ZC2HC1B: variants seen among roughly 807,000 people sequenced by gnomAD.
ZC2HC1B encodes the protein zinc finger C2HC-type containing 1B.
Under a neutral mutation model 31.0 loss-of-function variants are expected in ZC2HC1B, and 36 were observed. The ratio of observed to expected loss-of-function variants is 1.16; its 90% CI spans 0.89 to 1.54. The LOEUF (loss-of-function observed/expected upper bound fraction) is 1.54. Among genes scored for constraint, ZC2HC1B ranks in the 40% most tolerant of loss-of-function variants. The pLI is 0.00. For synonymous variants in ZC2HC1B, 73 were observed against 88.0 expected (o/e 0.83, Z 0.95); for missense variants, 260 against 268.6 (o/e 0.97, Z 0.22).
intron 6 of ZC2HC1B, among the ~76,000 whole-genome samples, chr6:143,912,061 A>G (rs1186830237): frequency 2.0e-5 from 3 of 151,998 alleles, no homozygotes; most frequent in Non-Finnish European, 2.9e-5. Flanking sequence ...CTATTCTGCT[A>G]TTAATATTTG....
intron 1 of ZC2HC1B, among the ~76,000 whole-genome samples, chr6:143,867,805 G>A (rs1326636956): frequency 2.6e-5 from 4 of 152,144 alleles, no homozygotes; most frequent in Admixed American, 2.6e-4. Flanking sequence ...CTCAAACCTC[G>A]ACTGGTTGCT....
At chr6:143,935,064 T>C (rs1010884519) in intron 6 of ZC2HC1B, among the ~76,000 whole-genome samples, 4 of 152,020 alleles carry the variant, frequency 2.6e-5, no homozygotes, top group Non-Finnish European at 4.4e-5. Context: ...AGGGTACTAG[T>C]GGTGGCAGTA....
At chr6:143,907,886 C>G (rs1404699547) in intron 6 of ZC2HC1B, among the ~76,000 whole-genome samples, 1 of 152,150 alleles carries the variant, frequency 6.6e-6, no homozygotes, top group African/African-American at 2.4e-5. Context: ...CCTAGATTTT[C>G]TTCTATGGTT....
At chr6:143,931,163 T>C (rs148444749) in intron 6 of ZC2HC1B, among the ~76,000 whole-genome samples, 1 of 152,346 alleles carries the variant, frequency 6.6e-6, no homozygotes, top group Non-Finnish European at 1.5e-5. Flanking sequence ...GGAATATCTT[T>C]TTCCACTCCT....
chr6:143,889,109 T>A (rs1273557675), intron 4 of ZC2HC1B, among the ~76,000 whole-genome samples: 1 of 152,032 alleles, frequency 6.6e-6, no homozygotes, highest in East Asian at 1.9e-4. Flanking sequence ...TGGACATATA[T>A]TGTAAGGTTC....
chr6:143,933,157 G>A lies in ZC2HC1B; in HGVS notation c.599-4492G>A, dbSNP rs1446971269. On this transcript the variant is annotated intron_variant, in intron 6 of 7. Coordinates refer to ENST00000237275, the MANE Select transcript of ZC2HC1B (RefSeq NM_001013623.3). This position sits in a 1 kb window ranked among gnomAD's most constrained non-coding sequence, Gnocchi z 6.4. ...GCGAAGTTGTCATGTGGACAGACTC[G>A]GGACCACTGGTTAGCCAGGATGTTT... 6.6e-6 allele frequency among the ~76,000 whole-genome samples: 1 copy of A among 152,190 alleles called. No individual in the cohort carries two copies. The highest frequency in any genetic ancestry group is 2.4e-5 in the African/African-American group (1 of 41,438).
rs1452465277 is a variant in ZC2HC1B at position 143,934,223 on chromosome 6, C to T, written c.599-3426C>T. On this transcript the variant is annotated intron_variant, in intron 6 of 7. Coordinates refer to ENST00000237275, the MANE Select transcript of ZC2HC1B (RefSeq NM_001013623.3). This position sits in a 1 kb window ranked among gnomAD's most constrained non-coding sequence, Gnocchi z 4.6. ...ATTTTCACCTGTCTTGCAGAATTTG[C>T]AATAGCCTGCCACTTCTTTCAAAGG... 6.6e-6 allele frequency among the ~76,000 whole-genome samples: 1 copy of T among 152,224 alleles called. No homozygotes were observed. Among genetic ancestry groups the T allele is most frequent in the Non-Finnish European group, 1.5e-5 (1 of 68,044 alleles).
At chr6:143,901,250 CTTT>C (rs760366226) in intron 5 of ZC2HC1B, among the ~76,000 whole-genome samples, 64 of 90,452 alleles carry the variant, frequency 7.1e-4, no homozygotes, top group African/African-American at 2.3e-3. Flanking sequence ...TTCTTTCTTC[CTTT>C]TTTTTTTTTT....
intron 4 of ZC2HC1B, among the ~76,000 whole-genome samples, chr6:143,894,570 A>G (rs1381745502): frequency 2.0e-5 from 3 of 152,196 alleles, no homozygotes; most frequent in Non-Finnish European, 4.4e-5. Context: ...CTGAACTTCT[A>G]TACCAGAAAA....
chr6:143,902,905 C>T, intron 5 of ZC2HC1B, 139 bp from the exon 6 acceptor site: 1 of 713,668 alleles, frequency 1.4e-6, no homozygotes, highest in Non-Finnish European at 2.4e-6. Context: ...GTGTCTGTCC[C>T]CTTCCCCTGG....
At chr6:143,879,795 T>TG (rs1046412696) in intron 1 of ZC2HC1B, among the ~76,000 whole-genome samples, 51 of 151,322 alleles carry the variant, frequency 3.4e-4, no homozygotes, top group African/African-American at 1.1e-3. Context: ...GTTTTTGTTT[T>TG]TTTTTTTTTC....
chr6:143,925,682 A>T (rs1452689845), intron 6 of ZC2HC1B, among the ~76,000 whole-genome samples: 3 of 151,794 alleles, frequency 2.0e-5, no homozygotes, highest in Non-Finnish European at 4.4e-5. Flanking sequence ...GATTATAGGC[A>T]TGCGCCATCA....
chr6:143,913,739 T>C lies in ZC2HC1B; in HGVS notation c.598+10587T>C, dbSNP rs1203867952. Among the ~76,000 whole-genome samples, 1 of 152,170 alleles carries C rather than the reference T, an allele frequency of 6.6e-6. No homozygotes were observed. The highest frequency in any genetic ancestry group is 1.5e-5 in the Non-Finnish European group (1 of 68,010). ...GTTGCAAAGATTCATGGGAGAAGCA[T>C]GGTTTCCTGGGTCACATAGTCACTA... On this transcript the variant is annotated intron_variant, in intron 6 of 7. Transcript: ENST00000237275. This position sits in a 1 kb window ranked among gnomAD's most constrained non-coding sequence, Gnocchi z 5.7.
intron 1 of ZC2HC1B, among the ~76,000 whole-genome samples, chr6:143,877,545 A>C (rs1421672571): frequency 1.3e-5 from 2 of 149,806 alleles, no homozygotes; most frequent in Non-Finnish European, 3.0e-5. Context: ...TGCCTCCCAA[A>C]GTGCTGGGAT....
intron 1 of ZC2HC1B, among the ~76,000 whole-genome samples, chr6:143,867,715 A>G (rs1388633127): frequency 6.6e-6 from 1 of 152,174 alleles, no homozygotes; most frequent in African/African-American, 2.4e-5. Context: ...GACTTCCTTG[A>G]ATATACTATC....
At position 143,899,649 on chromosome 6, in the gene ZC2HC1B, C is replaced by CT. The variant is rs1454628147; in HGVS notation, c.489+959dup. Among the ~76,000 whole-genome samples the CT allele has an allele frequency of 1.3e-5, 2 of 152,162 alleles. No homozygotes were observed. On this transcript the variant is annotated intron_variant, in intron 5 of 7. Transcript: ENST00000237275. This position sits in a 1 kb window ranked among gnomAD's most constrained non-coding sequence, Gnocchi z 5.0. ...TCTTCAGCCTCCCAAAGTGCTAGAA[C>CT]TACAAGTGTGAGCATCGTGCCTGGC...
At position 143,864,477 on chromosome 6, in the gene ZC2HC1B, A is replaced by G. The variant is rs1022024629; in HGVS notation, c.-63A>G. The G allele has an allele frequency of 1.3e-6, 2 of 1,515,268 alleles. No individual in the cohort carries two copies. The highest frequency in any genetic ancestry group is 1.8e-6 in the Non-Finnish European group (2 of 1,115,332). 93.9% of individuals were successfully genotyped at this position (1,515,268 alleles called of 1,614,324 possible). The stretch of plus-strand genomic sequence containing the variant: ...GTCCTGGTTTATGTTCTTGACTAGT[A>G]TGATGTTATCTGGACTGGGCTGTAA... On this transcript the variant is annotated 5_prime_UTR_variant, in exon 1 of 8. An upstream start codon of the reference 5' UTR is lost. Transcript: ENST00000237275.
At position 143,901,550 on chromosome 6, in the gene ZC2HC1B, G is replaced by A. The variant is rs146256309; in HGVS notation, c.490-1494G>A. The stretch of plus-strand genomic sequence containing the variant: ...GCTGGGATTACAGGCATGAGACCCC[G>A]TGCCCGGCCAGGGTTTGAATTTTAA... On this transcript the variant is annotated intron_variant, in intron 5 of 7. Transcript: ENST00000237275. 2.8e-3 allele frequency among the ~76,000 whole-genome samples: 420 copies of A among 152,172 alleles called. 8 individuals are homozygous for A. In the East Asian group the frequency reaches 0.039, roughly 14 times the overall value.
Position 143,917,909 on chromosome 6 carries a change from T to C in ZC2HC1B, c.598+14757T>C, listed in dbSNP as rs1777937424. ...AGTTTTTAGACTAATAATTGTTTTTTAAAATGTGTTAGTCTCTTCGATCAT... is the reference window on the plus strand; with the variant it reads ...AGTTTTTAGACTAATAATTGTTTTTCAAAATGTGTTAGTCTCTTCGATCAT... On this transcript the variant is annotated intron_variant, in intron 6 of 7. Coordinates refer to ENST00000237275, the MANE Select transcript of ZC2HC1B (RefSeq NM_001013623.3). The surrounding 1 kb of genome is among the most constrained non-coding windows in gnomAD (Gnocchi z 4.1). 6.6e-6 allele frequency among the ~76,000 whole-genome samples: 1 copy of C among 152,246 alleles called. No homozygotes were observed. Among genetic ancestry groups the C allele is most frequent in the Non-Finnish European group, 1.5e-5 (1 of 68,040 alleles).
Sources: gnomAD v4.1 joint callset for allele counts (sites outside exome capture counted in the v4.1 genomes callset) on GRCh38, gnomAD v4.1.1 for gene constraint, Gnocchi (gnomAD v3.1) non-coding constraint, MANE v1.5 for transcripts, NCBI Gene and HGNC (gene_info 2026-07-23, HGNC 2026-07-21) for gene names.